The following REDIC1 variants were observed in gnomAD, a reference collection of about 807,000 sequenced individuals.
The protein encoded by REDIC1 is regulator of DNA class I crossover intermediates 1, also known as HEI10 Interacting Protein 1.
the REDIC1 span, among the ~76,000 whole-genome samples, chr12:39,821,824 G>A: frequency 1.1e-3 from 160 of 152,294 alleles, 3 homozygotes; most frequent in African/African-American, 3.8e-3. Flanking sequence ...CCTTCCCTTG[G>A]GAGTGGTAGC....
At chr12:39,846,709 C>A in the REDIC1 span, among the ~76,000 whole-genome samples, 1 of 152,152 alleles carries the variant, frequency 6.6e-6, no homozygotes, top group Non-Finnish European at 1.5e-5. Flanking sequence ...GCCTCGGCCT[C>A]CTAAAATGCT....
the REDIC1 span, chr12:39,716,702 T>A: frequency 7.8e-7 from 1 of 1,274,312 alleles, no homozygotes; most frequent in Non-Finnish European, 1.1e-6. Flanking sequence ...GGCATATGTA[T>A]GTTGTAGATT....
the REDIC1 span, among the ~76,000 whole-genome samples, chr12:39,868,298 C>T: frequency 6.6e-6 from 1 of 152,098 alleles, no homozygotes; most frequent in African/African-American, 2.4e-5. Flanking sequence ...AAAATATTCT[C>T]CACAGGAAGT....
At chr12:39,898,118 C>G in the REDIC1 span, among the ~76,000 whole-genome samples, 1 of 152,078 alleles carries the variant, frequency 6.6e-6, no homozygotes, top group Admixed American at 6.6e-5. Flanking sequence ...TATTTAAAGC[C>G]TTCTGGTGAA....
At chr12:39,744,548 G>A in the REDIC1 span, among the ~76,000 whole-genome samples, 1 of 152,152 alleles carries the variant, frequency 6.6e-6, no homozygotes, top group Non-Finnish European at 1.5e-5. Flanking sequence ...ATGGAAGGGA[G>A]GAATTAGGAA....
chr12:39,650,205 T>G, the REDIC1 span: 1 of 1,526,264 alleles, frequency 6.6e-7, no homozygotes, highest in East Asian at 2.3e-5. The surrounding 1 kb of genome is among the most constrained non-coding windows in gnomAD (Gnocchi z 4.3). Flanking sequence ...GTACATTTAC[T>G]ATTTTGGCAG....
the REDIC1 span, among the ~76,000 whole-genome samples, chr12:39,639,821 A>G: frequency 6.6e-6 from 1 of 152,120 alleles, no homozygotes; most frequent in African/African-American, 2.4e-5. Context: ...GATAGTATAC[A>G]GTTAAGACAC....
chr12:39,857,095 G>T, the REDIC1 span, among the ~76,000 whole-genome samples: 5 of 152,174 alleles, frequency 3.3e-5, no homozygotes, highest in African/African-American at 1.2e-4. Context: ...TCTAGAATAA[G>T]AATATAAGTC....
the REDIC1 span, among the ~76,000 whole-genome samples, chr12:39,832,490 A>C: frequency 1.3e-5 from 2 of 152,054 alleles, no homozygotes; most frequent in Non-Finnish European, 2.9e-5. Context: ...CAGGCATATG[A>C]GATGTCATCC....
At chr12:39,628,723 G>A in the REDIC1 span, among the ~76,000 whole-genome samples, 19 of 152,068 alleles carry the variant, frequency 1.2e-4, no homozygotes, top group African/African-American at 4.6e-4. Context: ...AAAGAACCTA[G>A]GAGAGAAAGT....
chr12:39,724,853 T>C, the REDIC1 span, among the ~76,000 whole-genome samples: 1 of 152,042 alleles, frequency 6.6e-6, no homozygotes, highest in Non-Finnish European at 1.5e-5. Context: ...TGAAAGAGCA[T>C]TAATTAAACA....
the REDIC1 span, among the ~76,000 whole-genome samples, chr12:39,658,318 C>T: frequency 8.5e-5 from 13 of 152,164 alleles, no homozygotes; most frequent in African/African-American, 2.9e-4. Context: ...CTCCTGACCT[C>T]AAGTGATCCA....
At chr12:39,770,276 TA>T in the REDIC1 span, among the ~76,000 whole-genome samples, 3 of 152,102 alleles carry the variant, frequency 2.0e-5, no homozygotes, top group African/African-American at 7.2e-5. Flanking sequence ...TGATGGAATT[TA>T]GGTACCTAAG....
At chr12:39,687,457 G>A in the REDIC1 span, among the ~76,000 whole-genome samples, 1 of 146,600 alleles carries the variant, frequency 6.8e-6, no homozygotes, top group African/African-American at 2.5e-5. Flanking sequence ...ATCTCAAACA[G>A]CAAAGACAGG....
At chr12:39,681,601 T>C in the REDIC1 span, among the ~76,000 whole-genome samples, 1 of 152,354 alleles carries the variant, frequency 6.6e-6, no homozygotes, top group Non-Finnish European at 1.5e-5. Context: ...ATATACTGTG[T>C]CTTTTGGTAT....
chr12:39,866,776 G>A, the REDIC1 span, among the ~76,000 whole-genome samples: 1 of 152,168 alleles, frequency 6.6e-6, no homozygotes, highest in Non-Finnish European at 1.5e-5. Flanking sequence ...ACAGCGCCCG[G>A]CCGAAAGATG....
chr12:39,891,179 C>A, the REDIC1 span, among the ~76,000 whole-genome samples: 1 of 149,488 alleles, frequency 6.7e-6, no homozygotes, highest in Non-Finnish European at 1.5e-5. Flanking sequence ...CTCTGGGAAA[C>A]CTTCACCAGC....
At chr12:39,705,486 C>A in the REDIC1 span, among the ~76,000 whole-genome samples, 6 of 152,068 alleles carry the variant, frequency 3.9e-5, no homozygotes, top group South Asian at 6.2e-4. Flanking sequence ...AACCTGATAC[C>A]AAAACCAGAC....
At chr12:39,706,825 CCT>C in the REDIC1 span, among the ~76,000 whole-genome samples, 5 of 151,900 alleles carry the variant, frequency 3.3e-5, no homozygotes, top group Non-Finnish European at 5.9e-5. Flanking sequence ...AAACTAGACC[CCT>C]GTCTCTCACC....
Sources: gnomAD v4.1 joint callset for allele counts (sites outside exome capture counted in the v4.1 genomes callset) on GRCh38, gnomAD v4.1.1 for gene constraint, Gnocchi (gnomAD v3.1) non-coding constraint, MANE v1.5 for transcripts, NCBI Gene and HGNC (gene_info 2026-07-23, HGNC 2026-07-21) for gene names.